The following EP400 variants were observed in gnomAD, a reference collection of about 807,000 sequenced individuals.
The protein encoded by EP400 is E1A binding protein p400.
Under a neutral mutation model 354.1 loss-of-function variants are expected in EP400, and 105 were observed. That is an observed-to-expected ratio of 0.30 (90% CI 0.25 to 0.35). The LOEUF (loss-of-function observed/expected upper bound fraction) is 0.35, where lower values mean the gene tolerates loss of function less well. Ranked by LOEUF, EP400 falls within the 10% of genes least tolerant of loss-of-function variation. The pLI is 1.00. For synonymous variants in EP400, 1,646 were observed against 1,716.9 expected (o/e 0.96, Z 1.02); for missense variants, 3,280 against 4,121.0 (o/e 0.80, Z 5.59).
In EP400 at chr12:132,028,276, A is replaced by T; in HGVS notation, c.5369A>T (p.Asp1790Val). 6.2e-7 allele frequency: 1 copy of T among 1,613,726 alleles called. No individual in the cohort carries two copies. Among genetic ancestry groups the T allele is most frequent in the South Asian group, 1.1e-5 (1 of 91,074 alleles). Residue 1790 changes from aspartate to valine, a missense_variant, in exon 27 of 53, where the codon GAT becomes GTT. Asp to Val is a radical substitution (Grantham distance 152). Coordinates refer to ENST00000389561, the MANE Select transcript of EP400 (RefSeq NM_015409.5). The part of the protein sequence containing the change: ...TLCRCGESLQ[D>V]VIDRVAFVIP... ...TGTCGGTGTGGAGAGTCTCTGCAGG[A>T]TGTTATTGACAGGTACTGCAGACCT...
At chr12:131,963,481 A>G (rs1891970398) in intron 2 of EP400, 1 of 1,360,186 alleles carries the variant, frequency 7.4e-7, no homozygotes. Context: ...CAAAATTTTG[A>G]GCAGTTGTAA....
intron 33 of EP400, 59 bp from the exon 34 acceptor site, chr12:132,043,586 G>T: frequency 6.3e-7 from 1 of 1,579,848 alleles, no homozygotes; most frequent in South Asian, 1.2e-5. Flanking sequence ...ATTGTATAAG[G>T]AACTTGACTT....
intron 12 of EP400, 95 bp downstream of exon 12, chr12:131,995,051 A>G: frequency 1.7e-6 from 2 of 1,203,720 alleles, no homozygotes; most frequent in South Asian, 1.3e-5. Context: ...TAACAACAGC[A>G]GCAGTGCCTG....
intron 45 of EP400, among the ~76,000 whole-genome samples, chr12:132,055,455 G>GGTGTGT (rs138515650): frequency 7.1e-6 from 1 of 140,684 alleles, no homozygotes; most frequent in Admixed American, 6.9e-5. Context: ...GTGGTGTAGG[G>GGTGTGT]GTGTGTGTGT....
At chr12:132,010,450 T>G (rs964697176) in intron 15 of EP400, among the ~76,000 whole-genome samples, 2 of 152,208 alleles carry the variant, frequency 1.3e-5, no homozygotes, top group African/African-American at 2.4e-5. Context: ...TCTGTTCATA[T>G]CCTTTGTTTA....
intron 1 of EP400, among the ~76,000 whole-genome samples, chr12:131,955,404 T>A (rs1335974614): frequency 1.3e-5 from 2 of 152,018 alleles, no homozygotes; most frequent in African/African-American, 4.8e-5. Context: ...TGCCTCAGCC[T>A]CCCGAGTAGC....
At chr12:132,006,428 A>AG in intron 14 of EP400, 126 bp downstream of exon 14, 1 of 1,205,788 alleles carries the variant, frequency 8.3e-7, no homozygotes, top group Non-Finnish European at 1.1e-6. Context: ...TGTCAGAAAA[A>AG]GCAATTCTTC....
intron 23 of EP400, 123 bp from the exon 24 acceptor site, chr12:132,023,654 C>A: frequency 1.3e-6 from 1 of 791,618 alleles, no homozygotes; most frequent in Non-Finnish European, 1.9e-6. Flanking sequence ...ACCTGATAAA[C>A]ATTTCTGTGG....
At chr12:132,014,892 G>A (rs1184729260) in intron 19 of EP400, among the ~76,000 whole-genome samples, 2 of 152,182 alleles carry the variant, frequency 1.3e-5, no homozygotes, top group African/African-American at 4.8e-5. Context: ...TGGAGACTAG[G>A]GGTGAGGCCA....
intron 12 of EP400, among the ~76,000 whole-genome samples, chr12:132,003,165 G>A (rs1210893896): frequency 6.8e-6 from 1 of 147,740 alleles, no homozygotes; most frequent in South Asian, 2.1e-4. Context: ...GGGCAACATA[G>A]CAAGACCCCA....
intron 48 of EP400, 78 bp downstream of exon 48, chr12:132,064,964 G>T: frequency 6.6e-7 from 1 of 1,516,688 alleles, no homozygotes; most frequent in Admixed American, 2.0e-5. Flanking sequence ...TTGCTCAGGT[G>T]CGTGTCACGT....
rs1014562085 is a variant in EP400, at chr12:132,050,980, G to A, written c.7394+325G>A. ...TTCTTCCTCACACCCCACCTCTCAG[G>A]CACTGATTTTGTTCGCCATATCTTA... is the stretch of plus-strand genomic sequence containing the variant. On this transcript the variant is annotated intron_variant, in intron 41 of 52. Coordinates refer to ENST00000389561, the MANE Select transcript of EP400 (RefSeq NM_015409.5). The surrounding 1 kb of genome is among the most constrained non-coding windows in gnomAD (Gnocchi z 4.8). The A allele has an allele frequency of 1.1e-5, 5 of 461,048 alleles. No individual in the cohort carries two copies. The highest frequency in any genetic ancestry group is 3.8e-5 in the Admixed American group (1 of 26,534). 28.6% of individuals were successfully genotyped at this position (461,048 alleles called of 1,614,324 possible). A position where few individuals can be genotyped will look rare whatever the true frequency, so the allele number is the denominator to read the frequency against.
chr12:132,034,704 A>G (rs759382299), intron 30 of EP400, among the ~76,000 whole-genome samples: 1 of 152,204 alleles, frequency 6.6e-6, no homozygotes, highest in Non-Finnish European at 1.5e-5. Flanking sequence ...TTCTGTCATG[A>G]ATGTGCCGCA....
intron 29 of EP400, among the ~76,000 whole-genome samples, chr12:132,031,575 T>C (rs1894498999): frequency 6.6e-6 from 1 of 152,192 alleles, no homozygotes; most frequent in African/African-American, 2.4e-5. Context: ...AATTTCTTTT[T>C]TGAGACAGAG....
In EP400 at chr12:132,027,973, A is replaced by C. The variant is rs775276895; in HGVS notation, c.5110-44A>C. ...GGGTTGGTGAAGACAGGAACTTGTCATTCTGTTTCTCAAGTAACTGTTTTT... is the reference window on the plus strand; with the variant it reads ...GGGTTGGTGAAGACAGGAACTTGTCCTTCTGTTTCTCAAGTAACTGTTTTT... On this transcript the variant is annotated intron_variant, in intron 26 of 52. Coordinates refer to ENST00000389561, the MANE Select transcript of EP400 (RefSeq NM_015409.5). This position sits in a 1 kb window ranked among gnomAD's most constrained non-coding sequence, Gnocchi z 4.9. 4.4e-6 allele frequency: 7 copies of C among 1,594,740 alleles called. No individual in the cohort carries two copies. Among genetic ancestry groups the C allele is most frequent in the Non-Finnish European group, 6.0e-6 (7 of 1,167,122 alleles).
intron 25 of EP400, among the ~76,000 whole-genome samples, chr12:132,026,224 C>G (rs1894300185): frequency 1.3e-5 from 2 of 152,196 alleles, no homozygotes; most frequent in South Asian, 4.1e-4. Context: ...CTCTGAGTCC[C>G]CGCTCTGTGC....
intron 1 of EP400, among the ~76,000 whole-genome samples, chr12:131,957,046 T>G (rs1455135879): frequency 6.6e-6 from 1 of 151,906 alleles, no homozygotes; most frequent in African/African-American, 2.4e-5. Context: ...TAATTTTTTG[T>G]ATTTAATAGA....
intron 29 of EP400, 41 bp downstream of exon 29, chr12:132,030,199 C>G (rs1403385793): frequency 1.9e-6 from 3 of 1,607,970 alleles, no homozygotes; most frequent in Admixed American, 3.3e-5. Flanking sequence ...ATGGGTCAGT[C>G]ACTGGTGTTG....
At position 132,017,476 on chromosome 12, in the gene EP400, G is replaced by A. The variant is rs1368507733; in HGVS notation, c.3924-59G>A. 5 of 1,565,742 alleles carry A rather than the reference G, an allele frequency of 3.2e-6. No homozygotes were observed. Among genetic ancestry groups the A allele is most frequent in the East Asian group, 2.3e-5 (1 of 44,304 alleles). ...AGTTGGGACAGTCGATGGTGAGGGT[G>A]GGACTATGTCCATGTGCCGTTTGGA... On this transcript the variant is annotated intron_variant, in intron 19 of 52. Transcript: ENST00000389561. The surrounding 1 kb of genome is among the most constrained non-coding windows in gnomAD (Gnocchi z 5.0).
Sources: allele counts gnomAD v4.1 joint callset (sites outside exome capture counted in the v4.1 genomes callset), GRCh38; gene constraint gnomAD v4.1.1; non-coding constraint Gnocchi (gnomAD v3.1); transcripts MANE v1.5; gene names NCBI Gene and HGNC (gene_info 2026-07-23, HGNC 2026-07-21).